CREB3L2: variants seen among roughly 807,000 people sequenced by gnomAD.
CREB3L2 encodes the protein cyclic AMP-responsive element-binding protein 3-like protein 2.
CREB3L2 carries 23 observed loss-of-function variants against 57.2 expected under a neutral mutation model. That is an observed-to-expected ratio of 0.40 (90% confidence interval 0.29 to 0.57). The LOEUF is 0.57. CREB3L2 is among the 20% of genes least tolerant of loss of function. The pLI is 0.42. For synonymous variants in CREB3L2, 268 were observed against 265.1 expected, an observed-to-expected ratio of 1.01 and a Z score of -0.11; for missense variants, 628 against 634.7, an observed-to-expected ratio of 0.99 and a Z score of 0.11.
In CREB3L2 at chr7:137,958,222, C is replaced by T. The variant is rs919140822; in HGVS notation, c.103-29856G>A. On this transcript the variant is annotated intron_variant, in intron 1 of 11. Coordinates refer to ENST00000330387, the MANE Select transcript of CREB3L2 (RefSeq NM_194071.4). ...CAAGCCCAAGGCTATGCGTAACAAACTTGATGGCCCAACACAAGTTAGAAC... is the reference window on the plus strand; with the variant it reads ...CAAGCCCAAGGCTATGCGTAACAAATTTGATGGCCCAACACAAGTTAGAAC... Among the ~76,000 whole-genome samples, 3 of 152,164 alleles carry T rather than the reference C, an allele frequency of 2.0e-5. No homozygotes were observed. In the South Asian group the frequency reaches 6.2e-4, roughly 32 times the overall value.
chr7:137,964,784 C>T (rs1197857601), intron 1 of CREB3L2, among the ~76,000 whole-genome samples: 1 of 152,190 alleles, frequency 6.6e-6, no homozygotes, highest in Non-Finnish European at 1.5e-5. Flanking sequence ...TCCCATAATT[C>T]CCACATGTTG....
chr7:137,948,242 T>G (rs1007358027), intron 1 of CREB3L2, among the ~76,000 whole-genome samples: 1 of 152,278 alleles, frequency 6.6e-6, no homozygotes, highest in African/African-American at 2.4e-5. Context: ...GCATAGATGC[T>G]GTCTTGCAGC....
intron 2 of CREB3L2, among the ~76,000 whole-genome samples, chr7:137,922,401 T>C (rs1369625657): frequency 9.3e-4 from 22 of 23,714 alleles, no homozygotes; most frequent in African/African-American, 3.9e-3. Context: ...TATATATATA[T>C]ATATATATAT....
At chr7:137,963,576 C>T (rs1801360221) in intron 1 of CREB3L2, among the ~76,000 whole-genome samples, 2 of 152,302 alleles carry the variant, frequency 1.3e-5, no homozygotes, top group Middle Eastern at 3.4e-3. Flanking sequence ...ATCCACCCCT[C>T]CCATCTTTGT....
chr7:137,999,497 A>G (rs1170029799), intron 1 of CREB3L2, among the ~76,000 whole-genome samples: 1 of 151,978 alleles, frequency 6.6e-6, no homozygotes, highest in Non-Finnish European at 1.5e-5. Context: ...ATATTCCACA[A>G]ATATTAATCG....
rs1688118401 is a variant in CREB3L2 at position 137,919,776 on chromosome 7, CTT to C, written c.320-3766_320-3765del. On this transcript the variant is annotated intron_variant, in intron 2 of 11. Coordinates refer to ENST00000330387, the MANE Select transcript of CREB3L2 (RefSeq NM_194071.4). ...AGCCTTTTTAATTACAAAGAAAAGA[CTT>C]ATAATGAAATATTAAGACAAAAACT... Among the ~76,000 whole-genome samples the C allele has an allele frequency of 3.3e-5, 5 of 152,154 alleles. No homozygotes were observed. In the South Asian group the frequency reaches 8.3e-4, roughly 25 times the overall value.
intron 5 of CREB3L2, among the ~76,000 whole-genome samples, chr7:137,906,946 G>C (rs7795224): frequency 0.051 from 7,762 of 152,128 alleles, 421 homozygotes; most frequent in East Asian, 0.16. Flanking sequence ...CCCAATCTCG[G>C]GTATGTCTTT....
intron 7 of CREB3L2, 103 bp downstream of exon 7, chr7:137,903,856 T>C (rs1298348702): frequency 1.4e-5 from 14 of 973,466 alleles, no homozygotes; most frequent in Non-Finnish European, 2.1e-5. Flanking sequence ...GTTTCCAAGG[T>C]GGCCAGAAAG....
chr7:137,934,411 T>C (rs562674817), intron 1 of CREB3L2, among the ~76,000 whole-genome samples: 9 of 152,344 alleles, frequency 5.9e-5, no homozygotes, highest in African/African-American at 2.2e-4. Flanking sequence ...ACTAAGTACT[T>C]GACATACTCG....
At chr7:137,984,062 A>C (rs115353824) in intron 1 of CREB3L2, among the ~76,000 whole-genome samples, 151 of 152,354 alleles carry the variant, frequency 9.9e-4, no homozygotes, top group African/African-American at 3.5e-3. Context: ...TTGGCTGAAC[A>C]GAAGTAGAAG....
At chr7:137,995,349 T>TTTTTTTTTTTTTTTC (rs1563276978) in intron 1 of CREB3L2, among the ~76,000 whole-genome samples, 1 of 142,678 alleles carries the variant, frequency 7.0e-6, no homozygotes, top group Non-Finnish European at 1.5e-5. Flanking sequence ...TTTTTTTTTT[T>TTTTTTTTTTTTTTTC]TTTGAGACAG....
intron 2 of CREB3L2, among the ~76,000 whole-genome samples, chr7:137,919,702 G>A (rs1800228324): frequency 6.6e-6 from 1 of 152,132 alleles, no homozygotes; most frequent in East Asian, 1.9e-4. Flanking sequence ...CAATTATGGT[G>A]CATCCATACA....
rs764083570 is a variant in CREB3L2, at chr7:137,901,305, C to G, written c.1043+49G>C. ...GTTCTGGATTCTATCCTCTTCCTTC[C>G]CCATCTTCCATTGGTAGCGCAATCA... On this transcript the variant is annotated intron_variant, in intron 8 of 11. Transcript: ENST00000330387. 3 of 1,165,012 alleles carry G rather than the reference C, an allele frequency of 2.6e-6. No individual in the cohort carries two copies. The Admixed American group carries it at 5.3e-5, about 21-fold the overall frequency. 72.2% of individuals were successfully genotyped at this position (1,165,012 alleles called of 1,614,324 possible).
chr7:137,968,723 G>A (rs1024469653), intron 1 of CREB3L2, among the ~76,000 whole-genome samples: 1 of 152,102 alleles, frequency 6.6e-6, no homozygotes. Flanking sequence ...TCCTCCAATG[G>A]GGGGTACAGC....
intron 8 of CREB3L2, among the ~76,000 whole-genome samples, chr7:137,895,568 C>G (rs1352354425): frequency 7.1e-6 from 1 of 141,498 alleles, no homozygotes; most frequent in Admixed American, 7.8e-5. Flanking sequence ...CTCTTCCACT[C>G]TCCATAGCTC....
At chr7:137,953,220 G>A (rs769455298) in intron 1 of CREB3L2, 1 of 334,314 alleles carries the variant, frequency 3.0e-6, no homozygotes, top group Non-Finnish European at 5.9e-6. Context: ...GAGAGCTCAG[G>A]GTTAGACAGT....
intron 1 of CREB3L2, among the ~76,000 whole-genome samples, chr7:137,943,249 A>G (rs1369685139): frequency 6.6e-6 from 1 of 152,154 alleles, no homozygotes; most frequent in Non-Finnish European, 1.5e-5. Context: ...ACTCACACCT[A>G]AAAGAGTAAA....
At chr7:137,934,555 CA>C (rs986272446) in intron 1 of CREB3L2, among the ~76,000 whole-genome samples, 1 of 152,294 alleles carries the variant, frequency 6.6e-6, no homozygotes, top group African/African-American at 2.4e-5. Flanking sequence ...CAGCCAGTTC[CA>C]AATCACAGGC....
chr7:137,884,988 G>C lies in CREB3L2; in HGVS notation c.1270+7C>G. ...GACCCTGCCCAACTTGCCACATGCT[G>C]TCTTACCCACGGAGGCTGTGTAGGG... On this transcript the variant is annotated splice_region_variant and intron_variant, in intron 10 of 11. Coordinates refer to ENST00000330387, the MANE Select transcript of CREB3L2 (RefSeq NM_194071.4). 6.2e-7 allele frequency: 1 copy of C among 1,614,176 alleles called. No homozygotes were observed. The highest frequency in any genetic ancestry group is 8.5e-7 in the Non-Finnish European group (1 of 1,180,032).
Sources: gnomAD v4.1 joint callset for allele counts (sites outside exome capture counted in the v4.1 genomes callset) on GRCh38, gnomAD v4.1.1 for gene constraint, MANE v1.5 for transcripts, NCBI Gene and HGNC (gene_info 2026-07-23, HGNC 2026-07-21) for gene names.